Variants in GCNT1 observed in about 807,000 individuals in gnomAD.
The protein encoded by GCNT1 is glucosaminyl (N-acetyl) transferase 1.
Under a neutral mutation model 26.2 loss-of-function variants are expected in GCNT1, and 16 were observed. That is an observed-to-expected ratio of 0.61 (90% CI 0.41 to 0.93). The LOEUF is 0.93. Ranked by LOEUF, GCNT1 falls within the 40% of genes least tolerant of loss-of-function variation. The pLI is 0.00. For missense variants in GCNT1, 477 were observed against 526.7 expected, an observed-to-expected ratio of 0.91 and a Z score of 0.92; for synonymous variants, 183 against 190.8, an observed-to-expected ratio of 0.96 and a Z score of 0.34.
rs869195487 is a variant in GCNT1, at chr9:76,428,265, C to CAAAAAAAA, written n.38+8395_38+8402dup. ...TGGGTAAAAGAGCAAGACTCCGTCT[C>CAAAAAAAA]AAAAAAAAAAAAAAAAAAAAAAAAC... On this transcript the variant is annotated intron_variant and non_coding_transcript_variant, in intron 1 of 3. Coordinates refer to the GCNT1 transcript ENST00000488136. Among the ~76,000 whole-genome samples, 40 of 29,768 alleles carry CAAAAAAAA rather than the reference C, an allele frequency of 1.3e-3. 6 individuals are homozygous for CAAAAAAAA. The highest frequency in any genetic ancestry group is 7.6e-3 in the South Asian group (3 of 394). The allele number at this position is 29,768 out of a possible 152,430, so 19.5% of individuals were successfully genotyped here.
chr9:76,493,850 A>C (rs117639826), intron 2 of GCNT1, among the ~76,000 whole-genome samples: 12,548 of 152,174 alleles, frequency 0.082, 575 homozygotes, highest in Middle Eastern at 0.17. Context: ...AAGCTGCAGG[A>C]TAGTATTGTA....
intron 1 of GCNT1, among the ~76,000 whole-genome samples, chr9:76,422,083 G>T (rs1380998295): frequency 6.6e-6 from 1 of 152,138 alleles, no homozygotes; most frequent in Non-Finnish European, 1.5e-5. Context: ...GGAAACAGCA[G>T]AAGCTTATAA....
intron 1 of GCNT1, among the ~76,000 whole-genome samples, chr9:76,430,964 G>C: frequency 6.6e-6 from 1 of 152,314 alleles, no homozygotes; most frequent in Non-Finnish European, 1.5e-5. Flanking sequence ...GGGATTACGG[G>C]CATGAGCCAC....
At position 76,486,977 on chromosome 9, in the gene GCNT1, C is replaced by T. The variant is rs568502276; in HGVS notation, c.-289-13939C>T. The stretch of plus-strand genomic sequence containing the variant: ...TAAATTTTTAGCAGAAGAGCTTGGC[C>T]GGTTCCTCATGGCCAGCCACAGTTA... On this transcript the variant is annotated intron_variant, in intron 2 of 3. Transcript: ENST00000376730. 4.6e-5 allele frequency among the ~76,000 whole-genome samples: 7 copies of T among 152,256 alleles called. No individual in the cohort carries two copies. In the East Asian group the frequency reaches 1.4e-3, roughly 29 times the overall value.
At chr9:76,450,168 A>C (rs1823642382) in intron 1 of GCNT1, among the ~76,000 whole-genome samples, 1 of 152,188 alleles carries the variant, frequency 6.6e-6, no homozygotes, top group South Asian at 2.1e-4. Flanking sequence ...TCCCCACCCT[A>C]TGAAAATACC....
chr9:76,409,613 T>C, the GCNT1 span, among the ~76,000 whole-genome samples: 1 of 151,932 alleles, frequency 6.6e-6, no homozygotes, highest in Non-Finnish European at 1.5e-5. Context: ...GGCCTGCTAA[T>C]TTTTGTGTTT....
chr9:76,441,399 G>T (rs1207936727), upstream of GCNT1, among the ~76,000 whole-genome samples: 1 of 152,098 alleles, frequency 6.6e-6, no homozygotes, highest in Admixed American at 6.5e-5. Context: ...GCCTGCCTCG[G>T]CCTCTCAAAG....
At chr9:76,398,923 T>C in the GCNT1 span, 1 of 1,536,738 alleles carries the variant, frequency 6.5e-7, no homozygotes, top group Non-Finnish European at 8.9e-7. Context: ...CTGATGTCAG[T>C]GTTATATCCT....
At position 76,502,309 on chromosome 9, in the gene GCNT1, G is replaced by A. The variant is rs1486654661; in HGVS notation, c.-73G>A. The A allele has an allele frequency of 4.7e-6, 5 of 1,054,600 alleles. No homozygotes were observed. Among genetic ancestry groups the A allele is most frequent in the Admixed American group, 2.2e-5 (1 of 45,904 alleles). The allele number at this position is 1,054,600 out of a possible 1,614,324, so 65.3% of individuals were successfully genotyped here. On this transcript the variant is annotated 5_prime_UTR_variant, in exon 4 of 4. Transcript: ENST00000376730. ...AACTGACAACCTTCAAGGCCACGAC[G>A]GAGGGAAAATCATTGGTGCTTGGAG...
intron 1 of GCNT1, among the ~76,000 whole-genome samples, chr9:76,425,675 G>A (rs1823250719): frequency 1.3e-5 from 2 of 152,302 alleles, no homozygotes; most frequent in South Asian, 4.1e-4. Context: ...AATTCATGCA[G>A]AGCTGGCTGT....
chr9:76,401,333 A>T, the GCNT1 span, among the ~76,000 whole-genome samples: 5 of 152,312 alleles, frequency 3.3e-5, no homozygotes, highest in East Asian at 1.9e-4. Flanking sequence ...AGGCAAGCTC[A>T]TAGCACACTA....
intron 2 of GCNT1, among the ~76,000 whole-genome samples, chr9:76,483,859 G>A (rs1194500454): frequency 2.0e-5 from 3 of 151,572 alleles, no homozygotes; most frequent in African/African-American, 7.3e-5. Context: ...ATATGAGATG[G>A]GGTCTTGCTA....
At chr9:76,497,440 A>G (rs1176999384) in intron 2 of GCNT1, among the ~76,000 whole-genome samples, 3 of 152,192 alleles carry the variant, frequency 2.0e-5, no homozygotes, top group Non-Finnish European at 1.5e-5. Context: ...TGACTTCTGT[A>G]TTCACCCTGA....
At chr9:76,488,509 G>C (rs932658734) in intron 2 of GCNT1, among the ~76,000 whole-genome samples, 24 of 152,072 alleles carry the variant, frequency 1.6e-4, no homozygotes, top group African/African-American at 5.8e-4. Context: ...TTTGGAGCTG[G>C]AGTCTTGCTC....
chr9:76,496,667 G>A (rs923093444), intron 2 of GCNT1, among the ~76,000 whole-genome samples: 9 of 152,014 alleles, frequency 5.9e-5, no homozygotes, highest in Non-Finnish European at 1.2e-4. Flanking sequence ...TCCTTGACTA[G>A]CTTTCCTTCT....
At chr9:76,490,753 A>G (rs1168680997) in intron 2 of GCNT1, among the ~76,000 whole-genome samples, 1 of 50,038 alleles carries the variant, frequency 2.0e-5, no homozygotes, top group Non-Finnish European at 3.3e-5. Context: ...TTATTAGGCA[A>G]GTTTCCTAAC....
intron 1 of GCNT1, among the ~76,000 whole-genome samples, chr9:76,451,750 G>A (rs1823666865): frequency 6.6e-6 from 1 of 152,022 alleles, no homozygotes; most frequent in Non-Finnish European, 1.5e-5. Flanking sequence ...GTTGTTTAAA[G>A]TACCAGTCTA....
chr9:76,448,855 A>T (rs757561758), intron 1 of GCNT1, among the ~76,000 whole-genome samples: 29 of 152,246 alleles, frequency 1.9e-4, no homozygotes, highest in Non-Finnish European at 3.8e-4. Context: ...TTGTTGATCC[A>T]TTCAGACAGG....
At chr9:76,432,549 A>G (rs554377610) in intron 1 of GCNT1, among the ~76,000 whole-genome samples, 5 of 152,252 alleles carry the variant, frequency 3.3e-5, no homozygotes, top group Middle Eastern at 6.8e-3. Flanking sequence ...CATGTTGCCC[A>G]GGCTGGTTGA....
Sources: allele counts gnomAD v4.1 joint callset (sites outside exome capture counted in the v4.1 genomes callset), GRCh38; gene constraint gnomAD v4.1.1; transcripts MANE v1.5; gene names NCBI Gene and HGNC (gene_info 2026-07-23, HGNC 2026-07-21).